Variants in TOP2B observed in about 807,000 individuals in gnomAD.
The protein encoded by TOP2B is DNA topoisomerase 2-beta.
A neutral mutation model predicts 193.5 loss-of-function variants in TOP2B; 51 were observed. That is an observed-to-expected ratio of 0.26 (90% CI 0.21 to 0.33). The LOEUF (loss-of-function observed/expected upper bound fraction) is 0.33. Among genes scored for constraint, TOP2B ranks in the 10% least tolerant of loss-of-function variants. The probability of loss-of-function intolerance (pLI) is 1.00; values close to 1 mark genes in which losing one functional copy is unlikely to be tolerated. For missense variants in TOP2B, 1,378 were observed against 1,909.3 expected (o/e 0.72, Z 5.19); for synonymous variants, 634 against 635.7 (o/e 1.00, Z 0.04).
At chr3:25,620,865 A>G in intron 21 of TOP2B, 49 bp from the exon 22 acceptor site, 1 of 1,587,516 alleles carries the variant, frequency 6.3e-7, no homozygotes, top group Non-Finnish European at 8.6e-7. Context: ...GAGTACCAGT[A>G]CCATGAGTCT....
intron 4 of TOP2B, 75 bp downstream of exon 4, chr3:25,642,247 T>C: frequency 2.4e-6 from 2 of 838,950 alleles, no homozygotes; most frequent in Non-Finnish European, 3.8e-6. Context: ...ATATACATTA[T>C]TTGAGGAGTA....
At chr3:25,632,644 A>G in intron 9 of TOP2B, 49 bp downstream of exon 9, 1 of 1,605,196 alleles carries the variant, frequency 6.2e-7, no homozygotes, top group East Asian at 2.2e-5. Context: ...TTCAGTATAT[A>G]TATAATGCAT....
chr3:25,622,200 A>G (rs1380027229), intron 21 of TOP2B, among the ~76,000 whole-genome samples: 2 of 152,312 alleles, frequency 1.3e-5, no homozygotes, highest in South Asian at 2.1e-4. Context: ...TAGTAGGCAC[A>G]TAAGAACCAT....
chr3:25,654,600 A>T (rs911342363), intron 1 of TOP2B, among the ~76,000 whole-genome samples: 8 of 152,192 alleles, frequency 5.3e-5, no homozygotes, highest in Non-Finnish European at 8.8e-5. Context: ...TTCATATGGA[A>T]TCTCAAGAGG....
chr3:25,636,532 G>A (rs1703111199), intron 6 of TOP2B, among the ~76,000 whole-genome samples: 1 of 151,954 alleles, frequency 6.6e-6, no homozygotes, highest in South Asian at 2.1e-4. Flanking sequence ...TTTTATATAA[G>A]GGACTTGATC....
At chr3:25,642,267 TG>T in intron 4 of TOP2B, 54 bp downstream of exon 4, 1 of 1,056,662 alleles carries the variant, frequency 9.5e-7, no homozygotes, top group Non-Finnish European at 1.4e-6. Flanking sequence ...ACTCATAAAT[TG>T]GGGACTATCT....
chr3:25,629,973 A>G (rs1702911705), intron 13 of TOP2B, 56 bp downstream of exon 13: 2 of 1,494,054 alleles, frequency 1.3e-6, no homozygotes, highest in East Asian at 4.7e-5. Flanking sequence ...ACAAATATTA[A>G]AGGGAGAATC....
At chr3:25,631,355 T>C (rs2125379029) in intron 10 of TOP2B, among the ~76,000 whole-genome samples, 1 of 152,182 alleles carries the variant, frequency 6.6e-6, no homozygotes, top group East Asian at 1.9e-4. Context: ...ACAAAAAGTA[T>C]TAACCTAAAA....
At chr3:25,655,360 G>A (rs924529666) in intron 1 of TOP2B, among the ~76,000 whole-genome samples, 8 of 152,230 alleles carry the variant, frequency 5.3e-5, no homozygotes, top group Non-Finnish European at 1.2e-4. Context: ...TATTAAGACA[G>A]CCATCAGAAA....
At position 25,624,404 on chromosome 3, in the gene TOP2B, A is replaced by G. The variant is rs1702740397; in HGVS notation, c.2388T>C (p.Phe796=). The G allele has an allele frequency of 1.9e-6, 3 of 1,613,798 alleles. No individual in the cohort carries two copies. Among genetic ancestry groups the G allele is most frequent in the African/African-American group, 1.3e-5 (1 of 74,946 alleles). Residue 796 remains phenylalanine, a synonymous_variant, in exon 20 of 36, where the codon TTT becomes TTC. Coordinates refer to ENST00000264331, the MANE Select transcript of TOP2B (RefSeq NM_001330700.2). The part of the protein sequence containing the change: ...MMTIVNLAQN[F]VGSNNINLLQ... ...GCAAGTTAATGTTGTTACTTCCCAC[A>G]AAGTTCTGAGCCAAATTCACAATAG...
chr3:25,630,682 G>T, intron 11 of TOP2B, 119 bp downstream of exon 11: 1 of 1,059,122 alleles, frequency 9.4e-7, no homozygotes, highest in Non-Finnish European at 1.3e-6. Flanking sequence ...TTTCAATGAA[G>T]TAAAATCATA....
chr3:25,653,357 C>CA (rs1703649679), intron 1 of TOP2B, among the ~76,000 whole-genome samples: 1 of 151,628 alleles, frequency 6.6e-6, no homozygotes, highest in Non-Finnish European at 1.5e-5. Context: ...AAGACTGATG[C>CA]AAAAAATCCC....
intron 1 of TOP2B, among the ~76,000 whole-genome samples, chr3:25,651,164 C>T (rs75306935): frequency 6.6e-6 from 1 of 151,812 alleles, no homozygotes; most frequent in Non-Finnish European, 1.5e-5. Context: ...TACAGTAATA[C>T]AGATCACTTA....
At chr3:25,660,616 G>A (rs1703880185) in intron 1 of TOP2B, among the ~76,000 whole-genome samples, 1 of 152,190 alleles carries the variant, frequency 6.6e-6, no homozygotes, top group Admixed American at 6.5e-5. Flanking sequence ...GTAGGGGACA[G>A]TGAAGAGATA....
chr3:25,606,346 GCA>G (rs944428056), intron 31 of TOP2B, among the ~76,000 whole-genome samples: 4 of 152,156 alleles, frequency 2.6e-5, no homozygotes, highest in African/African-American at 9.6e-5. Flanking sequence ...TACCACGTAT[GCA>G]CACAGACACC....
intron 30 of TOP2B, 111 bp from the exon 31 acceptor site, chr3:25,607,486 C>T: frequency 7.6e-7 from 1 of 1,320,244 alleles, no homozygotes. Context: ...CTAAAAATAC[C>T]ATAAGAAATA....
In TOP2B at chr3:25,663,149, T is replaced by C. The variant is rs79227907; in HGVS notation, c.69+1080A>G. Among the ~76,000 whole-genome samples, 1,480 of 152,334 alleles carry C rather than the reference T, an allele frequency of 9.7e-3. 26 individuals are homozygous for C. Among genetic ancestry groups the C allele is most frequent in the African/African-American group, 0.033 (1,351 of 41,562 alleles). Reference sequence around the variant, plus strand: ...CACGCAAACATAAGTGATTAAAATGTTTTGCTGCTGTCAGTAGCACCCTTT... The same window carrying C: ...CACGCAAACATAAGTGATTAAAATGCTTTGCTGCTGTCAGTAGCACCCTTT... On this transcript the variant is annotated intron_variant, in intron 1 of 35. Coordinates refer to ENST00000264331, the MANE Select transcript of TOP2B (RefSeq NM_001330700.2).
At chr3:25,630,777 C>A in intron 11 of TOP2B, 24 bp downstream of exon 11, 1 of 1,500,594 alleles carries the variant, frequency 6.7e-7, no homozygotes, top group East Asian at 2.4e-5. Flanking sequence ...AAATCAAAAT[C>A]TTATTTAAAA....
At chr3:25,635,639 T>A (rs984441976) in intron 7 of TOP2B, among the ~76,000 whole-genome samples, 1 of 147,248 alleles carries the variant, frequency 6.8e-6, no homozygotes, top group African/African-American at 2.5e-5. Flanking sequence ...AGAGAGGGGA[T>A]AGAAATTAAA....
Sources: gnomAD v4.1 joint callset for allele counts (sites outside exome capture counted in the v4.1 genomes callset) on GRCh38, gnomAD v4.1.1 for gene constraint, MANE v1.5 for transcripts, NCBI Gene and HGNC (gene_info 2026-07-23, HGNC 2026-07-21) for gene names.